The following CBX2 variants were observed in gnomAD, a reference collection of about 807,000 sequenced individuals.
CBX2 encodes chromobox 2.
In CBX2, 11 loss-of-function variants were observed where a neutral mutation model predicts 21.0. That is an observed-to-expected ratio of 0.52 (90% CI 0.33 to 0.87). CBX2 has a LOEUF of 0.87. Ranked by LOEUF, CBX2 falls within the 40% of genes least tolerant of loss-of-function variation. The probability of loss-of-function intolerance (pLI) is 0.02; values close to 1 mark genes in which losing one functional copy is unlikely to be tolerated. For missense variants in CBX2, 746 were observed against 724.3 expected, an observed-to-expected ratio of 1.03 and a Z score of -0.34; for synonymous variants, 364 against 304.6, an observed-to-expected ratio of 1.19 and a Z score of -2.03.
rs782680508 is a variant in CBX2, at chr17:79,784,221, A to G, written c.778A>G (p.Met260Val). ...CTGGCAGAGCTCCATCGTGCACTAC[A>G]TGAACCGGATGACCCAGAGCCAGGC... ...ISWQSSIVHY[M>V]NRMTQSQAQA... Residue 260 changes from methionine (M) to valine (V), a missense_variant, in exon 5 of 5, where the codon ATG becomes GTG. Physicochemically the swap from Met to Val is conservative, Grantham distance 21 (BLOSUM62 1). Transcript: ENST00000310942. The surrounding 1 kb of genome is among the most constrained non-coding windows in gnomAD (Gnocchi z 5.9). 29 of 1,612,770 alleles carry G rather than the reference A, an allele frequency of 1.8e-5. No homozygotes were observed. The highest frequency in any genetic ancestry group is 5.0e-5 in the Admixed American group (3 of 60,014).
chr17:79,779,637 A>T (rs1555829805), intron 3 of CBX2: 2 of 598,608 alleles, frequency 3.3e-6, no homozygotes, highest in African/African-American at 1.9e-5. Flanking sequence ...GCCTGTATCC[A>T]TCCCTGAGAA....
intron 4 of CBX2, 196 bp downstream of exon 4, chr17:79,781,997 A>G: frequency 6.2e-7 from 1 of 1,614,058 alleles, no homozygotes; most frequent in African/African-American, 1.3e-5. Context: ...GCCGGCTGAG[A>G]GTTCCTCCCC....
chr17:79,784,505 G>A lies in CBX2; in HGVS notation c.1062G>A (p.Gln354=), dbSNP rs1285377681. The A allele has an allele frequency of 6.2e-7, 1 of 1,612,724 alleles. No homozygotes were observed. The highest frequency in any genetic ancestry group is 1.3e-5 in the African/African-American group (1 of 74,942). Reference sequence around the variant, plus strand: ...CACCCACCCAGGAGCTGAGCCTCCAGGTCTTGGACTTGCAGAGTGTCAAGA... The same window carrying A: ...CACCCACCCAGGAGCTGAGCCTCCAAGTCTTGGACTTGCAGAGTGTCAAGA... ...QPAPTQELSL[Q]VLDLQSVKNG... is the part of the protein sequence containing the mutation. The change falls in exon 5 of 5, where the codon CAG becomes CAA. Residue 354 remains glutamine (Q), a synonymous_variant. Coordinates refer to ENST00000310942, the MANE Select transcript of CBX2 (RefSeq NM_005189.3). This position sits in a 1 kb window ranked among gnomAD's most constrained non-coding sequence, Gnocchi z 5.9.
rs543004252 is a variant in CBX2 at position 79,787,598 on chromosome 17, G to A, written c.*2556G>A. 8.5e-5 allele frequency: 13 copies of A among 152,566 alleles called. No homozygotes were observed. The highest frequency in any genetic ancestry group is 2.9e-4 in the African/African-American group (12 of 41,566). 9.5% of individuals were successfully genotyped at this position (152,566 alleles called of 1,614,324 possible). ...TGCTGCTATTTGTGTGTGTGTTTGT[G>A]TTTGTGTAGCTAGGTATCTGGCACT... On this transcript the variant is annotated 3_prime_UTR_variant, in exon 5 of 5. Transcript: ENST00000310942.
intron 2 of CBX2, 63 bp from the exon 3 acceptor site, chr17:79,779,299 C>A: frequency 6.5e-7 from 1 of 1,534,456 alleles, no homozygotes; most frequent in Non-Finnish European, 8.9e-7. Flanking sequence ...CCCCCTCGGG[C>A]TGCCTTGCAA....
chr17:79,778,259 C>T lies in CBX2; in HGVS notation c.24C>T (p.Gly8=). The change falls in exon 1 of 5, where the codon GGC becomes GGT. Residue 8 remains glycine, a synonymous_variant. Coordinates refer to ENST00000310942, the MANE Select transcript of CBX2 (RefSeq NM_005189.3). This position sits in a 1 kb window ranked among gnomAD's most constrained non-coding sequence, Gnocchi z 4.8. MEELSSV[G]EQVFAAECIL... Reference sequence around the variant, plus strand: ...GCATGGAGGAGCTGAGCAGCGTGGGCGAGCAGGTCTTCGCCGCCGAGTGCA... The same window carrying T: ...GCATGGAGGAGCTGAGCAGCGTGGGTGAGCAGGTCTTCGCCGCCGAGTGCA... 1 of 1,517,710 alleles carries T rather than the reference C, an allele frequency of 6.6e-7. No homozygotes were observed. Among genetic ancestry groups the T allele is most frequent in the South Asian group, 1.2e-5 (1 of 82,188 alleles). The allele number at this position is 1,517,710 out of a possible 1,614,324, so 94.0% of individuals were successfully genotyped here.
At chr17:79,782,533 GA>G in intron 4 of CBX2, 1 of 1,110,716 alleles carries the variant, frequency 9.0e-7, no homozygotes, top group Non-Finnish European at 1.1e-6. Context: ...ACTGTCCCTG[GA>G]CCTTCGCGTG....
chr17:79,781,402 G>C (rs1555830194), intron 3 of CBX2, among the ~76,000 whole-genome samples: 2 of 152,156 alleles, frequency 1.3e-5, no homozygotes, highest in East Asian at 3.9e-4. Flanking sequence ...ATGCAGCAGT[G>C]CACCTGCAGG....
At chr17:79,779,688 A>G (rs1907026244) in intron 3 of CBX2, 4 of 525,096 alleles carry the variant, frequency 7.6e-6, no homozygotes, top group South Asian at 4.6e-5. Flanking sequence ...CGACAGCCAT[A>G]CTTGCAAAAA....
rs781829243 is a variant in CBX2, at chr17:79,784,564, A to G, written c.1121A>G (p.His374Arg). Residue 374 changes from histidine to arginine, a missense_variant, in exon 5 of 5, where the codon CAC (histidine) becomes CGC (arginine). Coordinates refer to ENST00000310942, the MANE Select transcript of CBX2 (RefSeq NM_005189.3). The surrounding 1 kb of genome is among the most constrained non-coding windows in gnomAD (Gnocchi z 5.9). ...GMPGVGLLAR[H>R]ATATKGVPAT... The stretch of plus-strand genomic sequence containing the variant: ...CCCGGGGTGGGTCTCCTTGCCCGCC[A>G]CGCCACCGCCACCAAGGGTGTCCCG... The G allele has an allele frequency of 2.5e-6, 4 of 1,612,388 alleles. No individual in the cohort carries two copies. The highest frequency in any genetic ancestry group is 1.3e-5 in the African/African-American group (1 of 74,892).
At chr17:79,782,409 C>A in intron 4 of CBX2, 1 of 1,350,596 alleles carries the variant, frequency 7.4e-7, no homozygotes, top group South Asian at 1.5e-5. Flanking sequence ...TGCATGCGCC[C>A]CTGGGGTCCG....
At chr17:79,782,418 C>T (rs969108622) in intron 4 of CBX2, 53 of 1,326,088 alleles carry the variant, frequency 4.0e-5, no homozygotes, top group East Asian at 1.3e-4. Context: ...CCCTGGGGTC[C>T]GTGGTAGGGC....
Position 79,783,779 on chromosome 17 carries a change from C to T in CBX2, c.336C>T (p.Ser112=), listed in dbSNP as rs1907409550. 2.6e-6 allele frequency: 4 copies of T among 1,565,444 alleles called. No individual in the cohort carries two copies. The East Asian group carries it at 9.6e-5, about 38-fold the overall frequency. Residue 112 remains serine (S), a synonymous_variant, in exon 5 of 5, where the codon TCC becomes TCT. Transcript: ENST00000310942. Reference sequence around the variant, plus strand: ...CCAAGTCCAGCAGTTCCTCCTCTTCCTCCACGTCATCCTCCTCTTCCTCAG... The same window carrying T: ...CCAAGTCCAGCAGTTCCTCCTCTTCTTCCACGTCATCCTCCTCTTCCTCAG... ...SKSKSSSSSS[S]STSSSSSSDE...
rs1456794781 is a variant in CBX2, at chr17:79,784,744, G to C, written c.1301G>C (p.Ser434Thr). Residue 434 changes from serine (S) to threonine (T), a missense_variant, in exon 5 of 5, where the codon AGT becomes ACT. Physicochemically the swap from Ser to Thr is moderately conservative, Grantham distance 58. Coordinates refer to ENST00000310942, the MANE Select transcript of CBX2 (RefSeq NM_005189.3). This position sits in a 1 kb window ranked among gnomAD's most constrained non-coding sequence, Gnocchi z 5.9. ...PASKRDCVKG[S>T]ATPSGQESRT... Reference sequence around the variant, plus strand: ...AGCAAGAGGGACTGTGTCAAGGGCAGTGCTACCCCCAGTGGGCAGGAGAGC... The same window carrying C: ...AGCAAGAGGGACTGTGTCAAGGGCACTGCTACCCCCAGTGGGCAGGAGAGC... The C allele has an allele frequency of 1.4e-5, 22 of 1,611,146 alleles. No homozygotes were observed. Among genetic ancestry groups the C allele is most frequent in the Non-Finnish European group, 1.9e-5 (22 of 1,179,176 alleles).
In CBX2 at chr17:79,784,866, T is replaced by G; in HGVS notation, c.1423T>G (p.Ser475Ala). The change falls in exon 5 of 5, where the codon TCG becomes GCG. Residue 475 changes from serine (S) to alanine (A), a missense_variant. Ser to Ala is a moderately conservative substitution (Grantham distance 99). Around this residue, in one of 2 missense-constraint regions of CBX2, gnomAD observed 701 missense variants for 650.7 expected, o/e 1.08. Coordinates refer to ENST00000310942, the MANE Select transcript of CBX2 (RefSeq NM_005189.3). The surrounding 1 kb of genome is among the most constrained non-coding windows in gnomAD (Gnocchi z 5.9). ...SSSDSDPDSA[S>A]PPSTGQNPSV... ...CTCGGACTCCGACCCCGACTCCGCC[T>G]CGCCGCCCAGCACTGGACAGAACCC... 6.2e-7 allele frequency: 1 copy of G among 1,613,220 alleles called. No homozygotes were observed. The highest frequency in any genetic ancestry group is 8.5e-7 in the Non-Finnish European group (1 of 1,179,976).
Position 79,784,682 on chromosome 17 carries a change from G to A in CBX2, c.1239G>A (p.Lys413=). 6.2e-7 allele frequency: 1 copy of A among 1,612,248 alleles called. No individual in the cohort carries two copies. The highest frequency in any genetic ancestry group is 8.5e-7 in the Non-Finnish European group (1 of 1,179,786). ...CCACCGACACAAGCAAAAGTGAGAAGCTGGCTTCCAGAGCAGTGGCGCCAC... is the reference window on the plus strand; with the variant it reads ...CCACCGACACAAGCAAAAGTGAGAAACTGGCTTCCAGAGCAGTGGCGCCAC... The part of the protein sequence containing the change: ...TMPTDTSKSE[K]LASRAVAPPT... The change falls in exon 5 of 5, where the codon AAG becomes AAA. Residue 413 remains lysine, a synonymous_variant. Transcript: ENST00000310942. The surrounding 1 kb of genome is among the most constrained non-coding windows in gnomAD (Gnocchi z 5.9).
chr17:79,781,099 G>T (rs782668668), intron 3 of CBX2, among the ~76,000 whole-genome samples: 3 of 152,080 alleles, frequency 2.0e-5, no homozygotes, highest in Admixed American at 6.6e-5. Context: ...ATTGAGCCTT[G>T]CCTGCCTCAG....
rs1434242919 is a variant in CBX2 at position 79,784,587 on chromosome 17, C to T, written c.1144C>T (p.Pro382Ser). The part of the protein sequence containing the change: ...ARHATATKGV[P>S]ATNPAPGKGT... ...CCACGCCACCGCCACCAAGGGTGTC[C>T]CGGCCACCAACCCAGCCCCTGGGAA... Residue 382 changes from proline to serine, a missense_variant, in exon 5 of 5, where the codon CCG (proline) becomes TCG (serine). Around this residue, in one of 2 missense-constraint regions of CBX2, gnomAD observed 701 missense variants for 650.7 expected, o/e 1.08. Coordinates refer to ENST00000310942, the MANE Select transcript of CBX2 (RefSeq NM_005189.3). This position sits in a 1 kb window ranked among gnomAD's most constrained non-coding sequence, Gnocchi z 5.9. 6.2e-7 allele frequency: 1 copy of T among 1,612,520 alleles called. No individual in the cohort carries two copies. Among genetic ancestry groups the T allele is most frequent in the East Asian group, 2.2e-5 (1 of 44,874 alleles).
intron 2 of CBX2, among the ~76,000 whole-genome samples, chr17:79,779,057 A>G (rs1555829679): frequency 6.6e-6 from 1 of 152,032 alleles, no homozygotes; most frequent in Admixed American, 6.5e-5. Flanking sequence ...CCTCTCTGCA[A>G]CTTTGCGTTT....
Sources: allele counts gnomAD v4.1 joint callset (sites outside exome capture counted in the v4.1 genomes callset), GRCh38; gene constraint gnomAD v4.1.1; regional missense constraint gnomAD v4.1.1; non-coding constraint Gnocchi (gnomAD v3.1); transcripts MANE v1.5; gene names NCBI Gene and HGNC (gene_info 2026-07-23, HGNC 2026-07-21).